TACC2: variants seen among roughly 807,000 people sequenced by gnomAD.
TACC2 encodes transforming acidic coiled-coil containing protein 2.
TACC2 carries 137 observed loss-of-function variants against 227.3 expected under a neutral mutation model. That is an observed-to-expected ratio of 0.60 (90% CI 0.52 to 0.69). The LOEUF (loss-of-function observed/expected upper bound fraction) is 0.69, where lower values mean the gene tolerates loss of function less well. TACC2 is among the 30% of genes least tolerant of loss of function. The probability of loss-of-function intolerance (pLI) is 0.00; values close to 1 mark genes in which losing one functional copy is unlikely to be tolerated. For missense variants in TACC2, 3,470 were observed against 3,694.4 expected (o/e 0.94, Z 1.57); for synonymous variants, 1,523 against 1,487.5 (o/e 1.02, Z -0.55).
At chr10:121,993,963 A>C (rs548316814) in intron 1 of TACC2, among the ~76,000 whole-genome samples, 23 of 152,266 alleles carry the variant, frequency 1.5e-4, no homozygotes, top group African/African-American at 5.5e-4. Flanking sequence ...CATAAACAAT[A>C]GTATATCATA....
chr10:122,069,496 C>A (rs1419574549), intron 3 of TACC2, among the ~76,000 whole-genome samples: 7 of 152,276 alleles, frequency 4.6e-5, no homozygotes, highest in Middle Eastern at 3.4e-3. Flanking sequence ...CCTGCCTTGG[C>A]CTCCCAAAGT....
intron 7 of TACC2, among the ~76,000 whole-genome samples, chr10:122,193,120 T>TTA (rs1239581782): frequency 3.3e-5 from 5 of 152,234 alleles, no homozygotes; most frequent in African/African-American, 1.2e-4. Flanking sequence ...CATGAATTAT[T>TTA]TCCTCATGAA....
intron 1 of TACC2, among the ~76,000 whole-genome samples, chr10:121,995,170 A>G (rs1953281076): frequency 6.6e-6 from 1 of 152,230 alleles, no homozygotes; most frequent in Non-Finnish European, 1.5e-5. Context: ...TTGCACAGGT[A>G]TTTCTCTAGA....
intron 7 of TACC2, among the ~76,000 whole-genome samples, chr10:122,172,929 G>C (rs1176605799): frequency 5.9e-5 from 9 of 152,160 alleles, no homozygotes; most frequent in African/African-American, 2.2e-4. Context: ...AGCGGAGTTT[G>C]TGTGAGCAGG....
intron 22 of TACC2, among the ~76,000 whole-genome samples, chr10:122,250,365 T>C (rs1010995998): frequency 6.6e-6 from 1 of 152,238 alleles, no homozygotes; most frequent in Non-Finnish European, 1.5e-5. Context: ...TCCTGAGCCT[T>C]GGGGTTCCCC....
At chr10:122,073,642 TGTA>T (rs2078406827) in intron 3 of TACC2, among the ~76,000 whole-genome samples, 2 of 152,118 alleles carry the variant, frequency 1.3e-5, no homozygotes, top group Non-Finnish European at 2.9e-5. Flanking sequence ...TGGGAAACAG[TGTA>T]TATGTATCTT....
At chr10:122,032,043 C>T (rs1487971354) in intron 2 of TACC2, among the ~76,000 whole-genome samples, 8 of 152,048 alleles carry the variant, frequency 5.3e-5, no homozygotes, top group South Asian at 2.1e-4. Flanking sequence ...GGAATCTGAG[C>T]GACCCTGATT....
chr10:122,230,533 G>T, intron 16 of TACC2, 93 bp downstream of exon 16: 3 of 1,165,812 alleles, frequency 2.6e-6, no homozygotes, highest in Non-Finnish European at 3.8e-6. Flanking sequence ...CGCCAGGCGG[G>T]CATCATCGGT....
chr10:122,149,914 T>C (rs1592633709), intron 7 of TACC2, among the ~76,000 whole-genome samples: 1 of 152,300 alleles, frequency 6.6e-6, no homozygotes, highest in Non-Finnish European at 1.5e-5. Context: ...ATAACTACGC[T>C]GAGCCACGTC....
At chr10:122,146,917 T>TC (rs1370983305) in intron 7 of TACC2, among the ~76,000 whole-genome samples, 2 of 152,126 alleles carry the variant, frequency 1.3e-5, no homozygotes, top group African/African-American at 2.4e-5. Flanking sequence ...CCTTGACAGT[T>TC]CTAAGGAGTT....
chr10:122,084,682 G>A lies in TACC2; in HGVS notation c.2182G>A (p.Val728Ile). Reference protein sequence around the residue: ...SEKSDFPPTPVAEVAPKAQEG... With the variant: ...SEKSDFPPTPIAEVAPKAQEG... Reference sequence around the variant, plus strand: ...GAAATCAGATTTTCCACCAACTCCTGTTGCAGAGGTTGCACCCAAAGCCCA... The same window carrying A: ...GAAATCAGATTTTCCACCAACTCCTATTGCAGAGGTTGCACCCAAAGCCCA... The change falls in exon 4 of 23, where the codon GTT becomes ATT. Residue 728 changes from valine to isoleucine, a missense_variant. Transcript: ENST00000369005. 1 of 1,613,702 alleles carries A rather than the reference G, an allele frequency of 6.2e-7. No homozygotes were observed. Among genetic ancestry groups the A allele is most frequent in the Non-Finnish European group, 8.5e-7 (1 of 1,180,040 alleles).
At position 122,050,447 on chromosome 10, in the gene TACC2, T is replaced by A. The variant is rs2075546565; in HGVS notation, c.43T>A (p.Ser15Thr). 1 of 1,613,784 alleles carries A rather than the reference T, an allele frequency of 6.2e-7. No individual in the cohort carries two copies. The highest frequency in any genetic ancestry group is 1.3e-5 in the African/African-American group (1 of 74,916). ...TTTTCTCCTGGCTCAGAGGACTTTA[T>A]CAGCTCAGACTCCAAGGTCCGCGCA... is the stretch of plus-strand genomic sequence containing the variant. ...NSTSDNQRTLSAQTPRSAQPP... is the reference protein window; with the variant it reads ...NSTSDNQRTLTAQTPRSAQPP... The change falls in exon 3 of 23, where the codon TCA (serine) becomes ACA (threonine). Residue 15 changes from serine (S) to threonine (T), a missense_variant. Physicochemically the swap from Ser to Thr is moderately conservative, Grantham distance 58. Transcript: ENST00000369005. The surrounding 1 kb of genome is among the most constrained non-coding windows in gnomAD (Gnocchi z 4.6).
At chr10:122,224,086 C>G (rs968297905) in intron 11 of TACC2, among the ~76,000 whole-genome samples, 1 of 152,156 alleles carries the variant, frequency 6.6e-6, no homozygotes, top group Admixed American at 6.6e-5. Context: ...GGGATTTTCA[C>G]CAATCAATTT....
chr10:122,233,432 C>T (rs190722246), intron 16 of TACC2, among the ~76,000 whole-genome samples: 1 of 152,298 alleles, frequency 6.6e-6, no homozygotes, highest in East Asian at 1.9e-4. Context: ...TAACAAGCTT[C>T]AGGAAGGGGG....
In TACC2 at chr10:122,087,482, G is replaced by GTGAC. The variant is rs769406458; in HGVS notation, c.4982_4983insTGAC (p.Arg1661SerfsTer49). On this transcript the variant is annotated frameshift_variant, in exon 4 of 23. Transcript: ENST00000369005. LOFTEE classifies it high-confidence loss of function. ...CTTGACACGCTTGGGGGTGAAAGGA[G>GTGAC]ACCCGGAGTCACTGCTGGCATCTTG... is the stretch of plus-strand genomic sequence containing the variant. 27 of 1,614,024 alleles carry GTGAC rather than the reference G, an allele frequency of 1.7e-5. No individual in the cohort carries two copies. The African/African-American group carries it at 2.0e-4, about 12-fold the overall frequency.
At position 122,148,930 on chromosome 10, in the gene TACC2, T is replaced by C. The variant is rs188629354; in HGVS notation, c.5834+5224T>C. ...CTATCCCTGCCTGGGAGGGAGACCA[T>C]TGCTGCAGTCACCACGCTTCTGATG... On this transcript the variant is annotated intron_variant, in intron 7 of 22. Coordinates refer to ENST00000369005, the MANE Select transcript of TACC2 (RefSeq NM_206862.4). Among the ~76,000 whole-genome samples, 47 of 152,326 alleles carry C rather than the reference T, an allele frequency of 3.1e-4. 1 individual carries two copies. Among genetic ancestry groups the C allele is most frequent in the African/African-American group, 1.1e-3 (46 of 41,584 alleles).
chr10:122,212,847 C>T (rs1226943665), intron 9 of TACC2, among the ~76,000 whole-genome samples: 1 of 152,174 alleles, frequency 6.6e-6, no homozygotes, highest in African/African-American at 2.4e-5. Flanking sequence ...CAACTAGGTC[C>T]CTACTAGAGA....
intron 7 of TACC2, among the ~76,000 whole-genome samples, chr10:122,157,133 A>G (rs1289404847): frequency 6.6e-6 from 1 of 152,062 alleles, no homozygotes; most frequent in Non-Finnish European, 1.5e-5. Flanking sequence ...AGTAAAATAG[A>G]CTTGTGAAGA....
chr10:122,099,044 T>G (rs1230704291), intron 5 of TACC2, among the ~76,000 whole-genome samples: 1 of 152,152 alleles, frequency 6.6e-6, no homozygotes, highest in Non-Finnish European at 1.5e-5. Flanking sequence ...TACGCCTGTG[T>G]GGTGAGCCTG....
Sources: gnomAD v4.1 joint callset for allele counts (sites outside exome capture counted in the v4.1 genomes callset) on GRCh38, gnomAD v4.1.1 for gene constraint, Gnocchi (gnomAD v3.1) non-coding constraint, MANE v1.5 for transcripts, NCBI Gene and HGNC (gene_info 2026-07-23, HGNC 2026-07-21) for gene names.